Variants in YPEL1 observed in about 807,000 individuals in gnomAD.
YPEL1 encodes the protein protein yippee-like 1.
A neutral mutation model predicts 17.3 loss-of-function variants in YPEL1; 7 were observed. The ratio of observed to expected loss-of-function variants is 0.40; its 90% CI spans 0.23 to 0.76. The LOEUF is 0.76. Among genes scored for constraint, YPEL1 ranks in the 30% least tolerant of loss-of-function variants. The pLI is 0.35. For missense variants in YPEL1, 91 were observed against 155.5 expected, an observed-to-expected ratio of 0.59 and a Z score of 2.21; for synonymous variants, 59 against 59.6, an observed-to-expected ratio of 0.99 and a Z score of 0.05.
At chr22:21,732,418 G>T (rs1434297598) in intron 1 of YPEL1, among the ~76,000 whole-genome samples, 9 of 152,122 alleles carry the variant, frequency 5.9e-5, no homozygotes, top group African/African-American at 2.2e-4. Flanking sequence ...GAAAGCAGGG[G>T]GGCTTCTATT....
At chr22:21,720,811 TTG>T (rs1178214766) in intron 1 of YPEL1, among the ~76,000 whole-genome samples, 1 of 134,192 alleles carries the variant, frequency 7.5e-6, no homozygotes, top group African/African-American at 2.7e-5. Flanking sequence ...CTGGCCGATT[TTG>T]TTTTTTTTTT....
rs2068085816 is a variant in YPEL1 at position 21,703,523 on chromosome 22, C to T, written c.162-45G>A. ...ACTGCGCTGCAGGCCCGGCCCGCCC[C>T]TGACCAGGCCCTGCCCCCTCAGCGG... On this transcript the variant is annotated intron_variant, in intron 3 of 4. Coordinates refer to ENST00000339468, the MANE Select transcript of YPEL1 (RefSeq NM_013313.5). The surrounding 1 kb of genome is among the most constrained non-coding windows in gnomAD (Gnocchi z 6.1). The T allele has an allele frequency of 3.2e-6, 5 of 1,551,574 alleles. No homozygotes were observed. The highest frequency in any genetic ancestry group is 1.1e-5 in the South Asian group (1 of 90,006).
chr22:21,706,826 G>GT, intron 2 of YPEL1, among the ~76,000 whole-genome samples: 1 of 152,200 alleles, frequency 6.6e-6, no homozygotes, highest in South Asian at 2.1e-4. Flanking sequence ...CAGCCTGGGT[G>GT]ACAGGAGAAG....
At chr22:21,702,233 G>A (rs567501070) in intron 4 of YPEL1, among the ~76,000 whole-genome samples, 101 of 152,214 alleles carry the variant, frequency 6.6e-4, no homozygotes, top group Non-Finnish European at 1.2e-3. Flanking sequence ...GGAAGCGGGT[G>A]CAGCCATAGA....
Position 21,703,830 on chromosome 22 carries a change from G to T in YPEL1, c.161+9C>A. ...TGCCGCTCCCCCCGGGCTGAACCAG[G>T]GTACTCACACGGAATTGAAGAGGTA... On this transcript the variant is annotated intron_variant, in intron 3 of 4. Transcript: ENST00000339468. The surrounding 1 kb of genome is among the most constrained non-coding windows in gnomAD (Gnocchi z 6.1). The T allele has an allele frequency of 6.2e-7, 1 of 1,609,206 alleles. No homozygotes were observed. Among genetic ancestry groups the T allele is most frequent in the East Asian group, 2.2e-5 (1 of 44,512 alleles).
chr22:21,710,936 G>T (rs2068158727), intron 1 of YPEL1, 28 bp from the exon 2 acceptor site: 2 of 615,728 alleles, frequency 3.2e-6, no homozygotes, highest in Middle Eastern at 4.5e-4. Context: ...AAAGTGGTGG[G>T]TTACAGAGAG....
At position 21,703,475 on chromosome 22, in the gene YPEL1, C is replaced by A; in HGVS notation, c.165G>T (p.Val55=). 1 of 1,608,678 alleles carries A rather than the reference C, an allele frequency of 6.2e-7. No homozygotes were observed. The highest frequency in any genetic ancestry group is 1.1e-5 in the South Asian group (1 of 91,072). The part of the protein sequence containing the change: ...QGRAYLFNSV[V]NVGCGPAEER... ...CCTCTGCAGGGCCGCAGCCCACGTT[C>A]ACCCTGCGGGGACAGAGGGGCCACT... is the stretch of plus-strand genomic sequence containing the variant. Residue 55 remains valine, a synonymous_variant, in exon 4 of 5, where the codon GTG becomes GTT. Transcript: ENST00000339468. The surrounding 1 kb of genome is among the most constrained non-coding windows in gnomAD (Gnocchi z 6.1).
At chr22:21,729,878 T>C (rs1379247386) in intron 1 of YPEL1, among the ~76,000 whole-genome samples, 2 of 152,136 alleles carry the variant, frequency 1.3e-5, no homozygotes, top group African/African-American at 4.8e-5. Flanking sequence ...GCTAGCACGG[T>C]GGCTCACATC....
chr22:21,732,389 A>G (rs547831397), intron 1 of YPEL1, among the ~76,000 whole-genome samples: 20 of 152,362 alleles, frequency 1.3e-4, no homozygotes, highest in Admixed American at 3.3e-4. Context: ...CTCTAATGAA[A>G]AGCATCACAG....
At chr22:21,727,997 G>A (rs2068351859) in intron 1 of YPEL1, among the ~76,000 whole-genome samples, 1 of 152,256 alleles carries the variant, frequency 6.6e-6, no homozygotes, top group African/African-American at 2.4e-5. Context: ...TGGGGCGTCT[G>A]CTGGGCGTGG....
intron 1 of YPEL1, among the ~76,000 whole-genome samples, chr22:21,726,965 A>G (rs983639595): frequency 7.2e-5 from 11 of 152,230 alleles, no homozygotes; most frequent in African/African-American, 2.4e-4. Flanking sequence ...TAATTACAAA[A>G]AGCCTTGTTT....
intron 1 of YPEL1, among the ~76,000 whole-genome samples, chr22:21,734,165 A>G (rs1285991825): frequency 6.6e-6 from 1 of 152,354 alleles, no homozygotes; most frequent in East Asian, 1.9e-4. Flanking sequence ...GGTTGCAGTG[A>G]GTCGTGTTTG....
At chr22:21,733,501 G>C (rs956434898) in intron 1 of YPEL1, among the ~76,000 whole-genome samples, 1 of 152,138 alleles carries the variant, frequency 6.6e-6, no homozygotes, top group Non-Finnish European at 1.5e-5. Context: ...TGGGAGGCAA[G>C]GGGGGAGGAT....
intron 1 of YPEL1, among the ~76,000 whole-genome samples, chr22:21,724,572 CT>C (rs111485924): frequency 0.86 from 115,677 of 134,618 alleles, 49,458 homozygotes; most frequent in Non-Finnish European, 0.9. Flanking sequence ...AAATTTTTTT[CT>C]TTTTTTTTTT....
intron 1 of YPEL1, among the ~76,000 whole-genome samples, chr22:21,719,883 G>A (rs1045796306): frequency 5.4e-5 from 8 of 148,684 alleles, no homozygotes; most frequent in Non-Finnish European, 1.2e-4. Flanking sequence ...AAATTACAGC[G>A]CACCTGTAAT....
In YPEL1 at chr22:21,703,823, G is replaced by A. The variant is rs771390027; in HGVS notation, c.161+16C>T. The A allele has an allele frequency of 1.2e-6, 2 of 1,608,502 alleles. No homozygotes were observed. The highest frequency in any genetic ancestry group is 1.7e-6 in the Non-Finnish European group (2 of 1,177,490). On this transcript the variant is annotated intron_variant, in intron 3 of 4. Transcript: ENST00000339468. The surrounding 1 kb of genome is among the most constrained non-coding windows in gnomAD (Gnocchi z 6.1). ...GGGCCCGTGCCGCTCCCCCCGGGCT[G>A]AACCAGGGTACTCACACGGAATTGA... is the stretch of plus-strand genomic sequence containing the variant.
At chr22:21,730,042 C>T (rs777229575) in intron 1 of YPEL1, among the ~76,000 whole-genome samples, 11 of 151,870 alleles carry the variant, frequency 7.2e-5, no homozygotes, top group Non-Finnish European at 1.0e-4. Context: ...GTCTCAGCTA[C>T]TAGGGAGGCT....
chr22:21,708,456 C>G (rs180956409), intron 2 of YPEL1, among the ~76,000 whole-genome samples: 1 of 149,382 alleles, frequency 6.7e-6, no homozygotes, highest in South Asian at 2.1e-4. Flanking sequence ...ATGTCTCAGT[C>G]TCCCAAATAG....
intron 1 of YPEL1, among the ~76,000 whole-genome samples, chr22:21,734,123 G>C (rs985040828): frequency 1.3e-5 from 2 of 152,200 alleles, no homozygotes; most frequent in Non-Finnish European, 2.9e-5. Flanking sequence ...GGGAGGCTGA[G>C]GCAAGAGGAT....
Sources: allele counts gnomAD v4.1 joint callset (sites outside exome capture counted in the v4.1 genomes callset), GRCh38; gene constraint gnomAD v4.1.1; non-coding constraint Gnocchi (gnomAD v3.1); transcripts MANE v1.5; gene names NCBI Gene and HGNC (gene_info 2026-07-23, HGNC 2026-07-21).